The following EPHA3 variants were observed in gnomAD, a reference collection of about 807,000 sequenced individuals.
The protein encoded by EPHA3 is ephrin type-A receptor 3.
A neutral mutation model predicts 107.1 loss-of-function variants in EPHA3; 42 were observed. The observed-to-expected ratio is 0.39, with a 90% confidence interval of 0.31 to 0.51. The LOEUF (loss-of-function observed/expected upper bound fraction) is 0.51. Among genes scored for constraint, EPHA3 ranks in the 20% least tolerant of loss-of-function variants. EPHA3 has a pLI of 0.78. For missense variants in EPHA3, 1,183 were observed against 1,211.2 expected (o/e 0.98, Z 0.35); for synonymous variants, 461 against 424.8 (o/e 1.09, Z -1.05).
chr3:89,422,135 C>T (rs1231406378), intron 11 of EPHA3, among the ~76,000 whole-genome samples: 2 of 150,482 alleles, frequency 1.3e-5, no homozygotes, highest in African/African-American at 2.4e-5. Flanking sequence ...GTCTGGCACC[C>T]GGTAACATCT....
At chr3:89,300,744 A>G (rs946123409) in intron 3 of EPHA3, among the ~76,000 whole-genome samples, 1 of 152,014 alleles carries the variant, frequency 6.6e-6, no homozygotes. Flanking sequence ...CTGAGTCACT[A>G]TAGTGTCTGC....
At chr3:89,375,538 A>G (rs2107476935) in intron 5 of EPHA3, among the ~76,000 whole-genome samples, 1 of 151,690 alleles carries the variant, frequency 6.6e-6, no homozygotes, top group African/African-American at 2.4e-5. Flanking sequence ...ACTAGATAAG[A>G]GGAAGCTGGG....
chr3:89,243,068 T>TA (rs1444418182), intron 3 of EPHA3, among the ~76,000 whole-genome samples: 1 of 152,050 alleles, frequency 6.6e-6, no homozygotes, highest in African/African-American at 2.4e-5. Context: ...TCCATGTCCC[T>TA]ACAAAGGACA....
chr3:89,127,021 T>C (rs948857780), intron 1 of EPHA3, among the ~76,000 whole-genome samples, 188 bp from the exon 2 acceptor site: 1 of 151,914 alleles, frequency 6.6e-6, no homozygotes, highest in Non-Finnish European at 1.5e-5. Context: ...ACAGAAACTT[T>C]TGATCTCTTA....
chr3:89,467,629 A>T (rs1477773199), intron 15 of EPHA3, among the ~76,000 whole-genome samples: 1 of 152,120 alleles, frequency 6.6e-6, no homozygotes, highest in Non-Finnish European at 1.5e-5. Context: ...TCTGGTGCTA[A>T]TTTTTATGCA....
At chr3:89,204,629 T>TGTGTGTGTGC (rs1706057047) in intron 2 of EPHA3, among the ~76,000 whole-genome samples, 1 of 151,880 alleles carries the variant, frequency 6.6e-6, no homozygotes, top group Admixed American at 6.6e-5. Context: ...TGTGTGTGTG[T>TGTGTGTGTGC]GTGTGTGTAC....
At chr3:89,289,314 G>A (rs1042320049) in intron 3 of EPHA3, among the ~76,000 whole-genome samples, 4 of 152,086 alleles carry the variant, frequency 2.6e-5, no homozygotes, top group African/African-American at 9.7e-5. Context: ...GACAGTACAG[G>A]ATGCTCATTA....
intron 13 of EPHA3, among the ~76,000 whole-genome samples, chr3:89,438,635 T>C (rs760979935): frequency 6.6e-6 from 1 of 152,230 alleles, no homozygotes; most frequent in Non-Finnish European, 1.5e-5. Context: ...GTAATATATG[T>C]CGCATGTCAT....
chr3:89,382,901 A>G (rs1708540169), intron 5 of EPHA3, among the ~76,000 whole-genome samples: 2 of 152,318 alleles, frequency 1.3e-5, no homozygotes, highest in South Asian at 4.1e-4. Flanking sequence ...GCCCTAGAAG[A>G]GACAATTTCT....
chr3:89,312,292 ACT>A (rs1195911898), intron 3 of EPHA3, among the ~76,000 whole-genome samples: 1 of 150,730 alleles, frequency 6.6e-6, no homozygotes. Flanking sequence ...TTTCAAGAAA[ACT>A]CTGAAGTTGG....
intron 2 of EPHA3, among the ~76,000 whole-genome samples, chr3:89,132,396 T>C (rs968496128): frequency 6.6e-6 from 1 of 152,250 alleles, no homozygotes; most frequent in African/African-American, 2.4e-5. Flanking sequence ...AAATGGAGGC[T>C]ATGGCTATGG....
chr3:89,178,246 CAATAGATA>C (rs1380924797), intron 2 of EPHA3, among the ~76,000 whole-genome samples: 3 of 151,308 alleles, frequency 2.0e-5, no homozygotes, highest in Non-Finnish European at 4.4e-5. Flanking sequence ...CATATGTAGC[CAATAGATA>C]GATAGATAGT....
At chr3:89,266,370 T>C (rs1705538251) in intron 3 of EPHA3, among the ~76,000 whole-genome samples, 2 of 152,184 alleles carry the variant, frequency 1.3e-5, no homozygotes, top group Non-Finnish European at 2.9e-5. Context: ...TATTGTTTTA[T>C]TGAAGCCAGC....
intron 2 of EPHA3, among the ~76,000 whole-genome samples, chr3:89,152,659 C>T (rs1406013737): frequency 6.6e-6 from 1 of 152,052 alleles, no homozygotes; most frequent in Non-Finnish European, 1.5e-5. Context: ...ATTTTCCATC[C>T]AGTCAATGTT....
chr3:89,358,046 G>A (rs745522614), intron 5 of EPHA3, among the ~76,000 whole-genome samples: 8 of 151,180 alleles, frequency 5.3e-5, no homozygotes, highest in Non-Finnish European at 7.4e-5. Context: ...ATGTGCGTGT[G>A]TATATATGTA....
At chr3:89,433,812 A>G (rs1709616281) in intron 13 of EPHA3, among the ~76,000 whole-genome samples, 1 of 152,174 alleles carries the variant, frequency 6.6e-6, no homozygotes. Context: ...CATGGGATCA[A>G]TACCTCAACA....
intron 13 of EPHA3, 97 bp from the exon 14 acceptor site, chr3:89,449,114 CATTTCAGAACAGAA>C: frequency 9.5e-7 from 1 of 1,050,810 alleles, no homozygotes; most frequent in Non-Finnish European, 1.3e-6. Flanking sequence ...ATGCATATTC[CATTTCAGAACAGAA>C]ATACTATGAG....
chr3:89,156,001 T>C (rs1704797691), intron 2 of EPHA3, among the ~76,000 whole-genome samples: 1 of 152,040 alleles, frequency 6.6e-6, no homozygotes, highest in African/African-American at 2.4e-5. Flanking sequence ...TAACAGTCTT[T>C]ATGTGATGAA....
At chr3:89,340,504 A>G (rs767558284) in intron 3 of EPHA3, among the ~76,000 whole-genome samples, 12 of 152,254 alleles carry the variant, frequency 7.9e-5, no homozygotes, top group Non-Finnish European at 1.6e-4. Flanking sequence ...CAGAGCAATT[A>G]GAAAACTAGT....
Sources: gnomAD v4.1 joint callset for allele counts (sites outside exome capture counted in the v4.1 genomes callset) on GRCh38, gnomAD v4.1.1 for gene constraint, MANE v1.5 for transcripts, NCBI Gene and HGNC (gene_info 2026-07-23, HGNC 2026-07-21) for gene names.